Variants in TIPRL observed in about 807,000 individuals in gnomAD.
TIPRL encodes TIP41-like protein.
In TIPRL, 10 loss-of-function variants were observed where a neutral mutation model predicts 32.3. That is an observed-to-expected ratio of 0.31 (90% CI 0.19 to 0.52). The LOEUF is 0.52. Ranked by LOEUF, TIPRL falls within the 20% of genes least tolerant of loss-of-function variation. The pLI is 0.96. For missense variants in TIPRL, 250 were observed against 328.1 expected, an observed-to-expected ratio of 0.76 and a Z score of 1.84; for synonymous variants, 100 against 114.0, an observed-to-expected ratio of 0.88 and a Z score of 0.78.
chr1:168,183,222 ACATT>A (rs1178791242), intron 1 of TIPRL, among the ~76,000 whole-genome samples: 4 of 152,180 alleles, frequency 2.6e-5, no homozygotes, highest in African/African-American at 9.7e-5. Context: ...TTATAATGAA[ACATT>A]CAGAGTATTT....
chr1:168,198,527 G>T, intron 5 of TIPRL, among the ~76,000 whole-genome samples: 1 of 152,230 alleles, frequency 6.6e-6, no homozygotes. Flanking sequence ...GCACAATTAC[G>T]TAGGTAAATG....
rs2038035 is a variant in TIPRL, at chr1:168,183,852, A to C, written c.105-50A>C. 10 of 1,574,278 alleles carry C rather than the reference A, an allele frequency of 6.4e-6. No homozygotes were observed. In the South Asian group the frequency reaches 1.0e-4, roughly 16 times the overall value. ...CTGTTGGGATGGAAAAGAAACAAAA[A>C]TGCCAACAGCGATATAAAATTATCT... On this transcript the variant is annotated intron_variant, in intron 1 of 6. Coordinates refer to ENST00000367833, the MANE Select transcript of TIPRL (RefSeq NM_152902.5).
intron 3 of TIPRL, among the ~76,000 whole-genome samples, chr1:168,187,827 G>A (rs904662390): frequency 6.6e-5 from 10 of 152,000 alleles, no homozygotes; most frequent in Non-Finnish European, 1.3e-4. Context: ...AGAAAAATTG[G>A]CGGGTCTGGT....
intron 1 of TIPRL, 113 bp downstream of exon 1, chr1:168,179,294 C>CT: frequency 1.2e-6 from 1 of 854,034 alleles, no homozygotes; most frequent in Non-Finnish European, 1.8e-6. Context: ...GGTTCGGTCC[C>CT]TCCGGACCGG....
intron 2 of TIPRL, 97 bp from the exon 3 acceptor site, chr1:168,184,682 A>G (rs575721055): frequency 2.5e-5 from 19 of 773,698 alleles, no homozygotes; most frequent in African/African-American, 1.8e-5. Context: ...ATTTAATAGG[A>G]TATGTTATTA....
intron 3 of TIPRL, among the ~76,000 whole-genome samples, chr1:168,185,477 TGAGAA>T (rs1347513951): frequency 4.6e-5 from 7 of 151,986 alleles, no homozygotes; most frequent in Non-Finnish European, 7.4e-5. Flanking sequence ...AAGCCCTGCT[TGAGAA>T]GAGATTGGGG....
At position 168,189,502 on chromosome 1, in the gene TIPRL, C is replaced by G. The variant is rs534936369; in HGVS notation, c.385-1867C>G. Among the ~76,000 whole-genome samples the G allele has an allele frequency of 2.6e-5, 4 of 152,180 alleles. No individual in the cohort carries two copies. The South Asian group carries it at 8.3e-4, about 32-fold the overall frequency. ...CTGGGATTACAGGTGCCTGCCACCA[C>G]GATCAGCTAGTTTTTGTATTTTTAG... On this transcript the variant is annotated intron_variant, in intron 3 of 6. Coordinates refer to ENST00000367833, the MANE Select transcript of TIPRL (RefSeq NM_152902.5).
chr1:168,178,963 T>G lies in TIPRL; in HGVS notation c.-115T>G, dbSNP rs1284157554. 2.3e-6 allele frequency: 2 copies of G among 885,696 alleles called. No individual in the cohort carries two copies. Among genetic ancestry groups the G allele is most frequent in the Non-Finnish European group, 3.4e-6 (2 of 591,192 alleles). The allele number at this position is 885,696 out of a possible 1,614,324, so 54.9% of individuals were successfully genotyped here. On this transcript the variant is annotated 5_prime_UTR_variant, in exon 1 of 7. The change abolishes an upstream ATG in the 5' untranslated region. Coordinates refer to ENST00000367833, the MANE Select transcript of TIPRL (RefSeq NM_152902.5). ...GGCCGGCAGGGGGCGGGGCCGGGCA[T>G]GGTAACGGCTCGGAAGCCTAGGAGG...
At position 168,183,921 on chromosome 1, in the gene TIPRL, A is replaced by G. The variant is rs1211967147; in HGVS notation, c.124A>G (p.Met42Val). The G allele has an allele frequency of 6.2e-7, 1 of 1,614,006 alleles. No individual in the cohort carries two copies. The highest frequency in any genetic ancestry group is 8.5e-7 in the Non-Finnish European group (1 of 1,179,880). ...DVEKLADELH[M>V]PSLPEMMFGD... ...GTATAGATTAGCCGATGAATTACAT[A>G]TGCCATCTCTCCCTGAAATGATGTT... The change falls in exon 2 of 7, where the codon ATG becomes GTG. Residue 42 changes from methionine (M) to valine (V), a missense_variant. Coordinates refer to ENST00000367833, the MANE Select transcript of TIPRL (RefSeq NM_152902.5).
At chr1:168,188,173 T>TA (rs1700051392) in intron 3 of TIPRL, among the ~76,000 whole-genome samples, 1 of 152,212 alleles carries the variant, frequency 6.6e-6, no homozygotes, top group Admixed American at 6.5e-5. Context: ...CTGGAATCCC[T>TA]AGTGTCTTTT....
At chr1:168,189,774 A>C (rs1178883699) in intron 3 of TIPRL, among the ~76,000 whole-genome samples, 1 of 152,252 alleles carries the variant, frequency 6.6e-6, no homozygotes. Context: ...TTAGCCTTGC[A>C]AATGGAGACA....
rs946127870 is a variant in TIPRL, at chr1:168,189,637, G to T, written c.385-1732G>T. Among the ~76,000 whole-genome samples, 6 of 152,212 alleles carry T rather than the reference G, an allele frequency of 3.9e-5. No homozygotes were observed. In the East Asian group the frequency reaches 9.6e-4, roughly 24 times the overall value. ...TGGGATTATAGGCATAAGCCACCGCGCCCAGCCCATATGTTTTATATTTAG... is the reference window on the plus strand; with the variant it reads ...TGGGATTATAGGCATAAGCCACCGCTCCCAGCCCATATGTTTTATATTTAG... On this transcript the variant is annotated intron_variant, in intron 3 of 6. Transcript: ENST00000367833.
chr1:168,188,766 G>A (rs921036729), intron 3 of TIPRL, among the ~76,000 whole-genome samples: 4 of 152,074 alleles, frequency 2.6e-5, no homozygotes, highest in African/African-American at 7.2e-5. Context: ...AACACCTGAG[G>A]TCAGGAGTTC....
chr1:168,189,079 G>T (rs1286782993), intron 3 of TIPRL, among the ~76,000 whole-genome samples: 2 of 152,148 alleles, frequency 1.3e-5, no homozygotes, highest in Non-Finnish European at 2.9e-5. Context: ...CTTGTCCTTA[G>T]TGAGCACTGA....
rs1700213110 is a variant in TIPRL at position 168,201,948 on chromosome 1, G to A, written c.*1902G>A. The A allele has an allele frequency of 6.6e-6, 1 of 151,626 alleles. No individual in the cohort carries two copies. The highest frequency in any genetic ancestry group is 2.4e-5 in the African/African-American group (1 of 41,282). The allele number at this position is 151,626 out of a possible 1,614,324, so 9.4% of individuals were successfully genotyped here. A position where few individuals can be genotyped will look rare whatever the true frequency, so the allele number is the denominator to read the frequency against. On this transcript the variant is annotated 3_prime_UTR_variant, in exon 7 of 7. Transcript: ENST00000367833. ...TTTTTTTTTTTAGAGGGTAAGAGAT[G>A]GGTAGAAGAGTATGCCTCTGAAAAT...
intron 1 of TIPRL, among the ~76,000 whole-genome samples, chr1:168,180,091 G>A (rs567871237): frequency 6.6e-6 from 1 of 152,204 alleles, no homozygotes; most frequent in Non-Finnish European, 1.5e-5. Context: ...TGCATTATCA[G>A]ATGTACGCTC....
chr1:168,179,513 G>A (rs1467156245), intron 1 of TIPRL, among the ~76,000 whole-genome samples: 1 of 152,182 alleles, frequency 6.6e-6, no homozygotes, highest in Non-Finnish European at 1.5e-5. Flanking sequence ...TGTTTTCTTA[G>A]GGGTTAATGA....
In TIPRL at chr1:168,200,722, T is replaced by C. The variant is rs1700200375; in HGVS notation, c.*676T>C. On this transcript the variant is annotated 3_prime_UTR_variant, in exon 7 of 7. Coordinates refer to ENST00000367833, the MANE Select transcript of TIPRL (RefSeq NM_152902.5). Reference sequence around the variant, plus strand: ...TTACCACTGTGTGTGTGTAGGATGTTAGAATTATCTGTCCTCCATCTTTAG... The same window carrying C: ...TTACCACTGTGTGTGTGTAGGATGTCAGAATTATCTGTCCTCCATCTTTAG... The C allele has an allele frequency of 6.6e-6, 1 of 152,130 alleles. No homozygotes were observed. The highest frequency in any genetic ancestry group is 6.5e-5 in the Admixed American group (1 of 15,268). 9.4% of individuals were successfully genotyped at this position (152,130 alleles called of 1,614,324 possible).
rs181170711 is a variant in TIPRL, at chr1:168,183,830, T to C, written c.105-72T>C. On this transcript the variant is annotated intron_variant, in intron 1 of 6. Coordinates refer to ENST00000367833, the MANE Select transcript of TIPRL (RefSeq NM_152902.5). Reference sequence around the variant, plus strand: ...CATTCAGCAAGTAGGAAGAATTCTGTTGGGATGGAAAAGAAACAAAAATGC... The same window carrying C: ...CATTCAGCAAGTAGGAAGAATTCTGCTGGGATGGAAAAGAAACAAAAATGC... 5 of 1,486,256 alleles carry C rather than the reference T, an allele frequency of 3.4e-6. No individual in the cohort carries two copies. The Admixed American group carries it at 8.8e-5, about 26-fold the overall frequency. 92.1% of individuals were successfully genotyped at this position (1,486,256 alleles called of 1,614,324 possible). A position where few individuals can be genotyped will look rare whatever the true frequency, so the allele number is the denominator to read the frequency against.
Sources: gnomAD v4.1 joint callset for allele counts (sites outside exome capture counted in the v4.1 genomes callset) on GRCh38, gnomAD v4.1.1 for gene constraint, MANE v1.5 for transcripts, NCBI Gene and HGNC (gene_info 2026-07-23, HGNC 2026-07-21) for gene names.